The following SLX4IP variants were observed in gnomAD, a reference collection of about 807,000 sequenced individuals.
The protein encoded by SLX4IP is SLX4 interacting protein, also known as protein SLX4IP.
Under a neutral mutation model 32.9 loss-of-function variants are expected in SLX4IP, and 34 were observed. The observed-to-expected ratio is 1.03, with a 90% CI of 0.79 to 1.38. The LOEUF (loss-of-function observed/expected upper bound fraction) is 1.38, where lower values mean the gene tolerates loss of function less well. SLX4IP is among the 40% of genes most tolerant of loss of function. The probability of loss-of-function intolerance (pLI) is 0.00; values close to 1 mark genes in which losing one functional copy is unlikely to be tolerated. For missense variants in SLX4IP, 444 were observed against 479.0 expected (o/e 0.93, Z 0.68); for synonymous variants, 172 against 171.7 (o/e 1.00, Z -0.01).
chr20:10,480,047 G>C (rs2065508574), intron 2 of SLX4IP, among the ~76,000 whole-genome samples: 2 of 151,524 alleles, frequency 1.3e-5, no homozygotes, highest in African/African-American at 2.4e-5. Context: ...AACAAAACTT[G>C]TTTTATAAAA....
At chr20:10,578,050 A>G (rs1264462167) in intron 4 of SLX4IP, among the ~76,000 whole-genome samples, 1 of 152,206 alleles carries the variant, frequency 6.6e-6, no homozygotes, top group African/African-American at 2.4e-5. Context: ...TAGCTGAAGA[A>G]TACTTCTCAT....
At chr20:10,588,743 A>G (rs2066673783) in intron 4 of SLX4IP, among the ~76,000 whole-genome samples, 1 of 152,186 alleles carries the variant, frequency 6.6e-6, no homozygotes, top group Non-Finnish European at 1.5e-5. Context: ...TGATTGCCAG[A>G]GGCAGGGGTA....
intron 2 of SLX4IP, among the ~76,000 whole-genome samples, chr20:10,529,590 CAAAAAAAAAA>C (rs71334410): frequency 7.5e-5 from 4 of 53,640 alleles, no homozygotes; most frequent in South Asian, 1.1e-3. Context: ...GACTCCATCT[CAAAAAAAAAA>C]AAAAAAAAAA....
At position 10,498,218 on chromosome 20, in the gene SLX4IP, G is replaced by A. The variant is rs187827998; in HGVS notation, c.27+39987G>A. 3.4e-3 allele frequency among the ~76,000 whole-genome samples: 514 copies of A among 151,092 alleles called. 2 individuals are homozygous for A. Among genetic ancestry groups the A allele is most frequent in the African/African-American group, 0.012 (494 of 41,098 alleles). On this transcript the variant is annotated intron_variant, in intron 2 of 7. Coordinates refer to ENST00000334534, the MANE Select transcript of SLX4IP (RefSeq NM_001009608.3). ...TAGATATTGTTAATCTATTAGCTGAGCCAGTGGGCAGCTCTGTTCAGTTCC... is the reference window on the plus strand; with the variant it reads ...TAGATATTGTTAATCTATTAGCTGAACCAGTGGGCAGCTCTGTTCAGTTCC...
At chr20:10,440,756 A>G (rs2065154386) in intron 1 of SLX4IP, among the ~76,000 whole-genome samples, 1 of 152,212 alleles carries the variant, frequency 6.6e-6, no homozygotes, top group Non-Finnish European at 1.5e-5. Context: ...AATGATTATC[A>G]GAACTTTTTT....
chr20:10,476,013 C>A (rs1761233020), intron 2 of SLX4IP, among the ~76,000 whole-genome samples: 1 of 152,164 alleles, frequency 6.6e-6, no homozygotes, highest in Non-Finnish European at 1.5e-5. Flanking sequence ...AATAATCTGA[C>A]CCTTGAGAAG....
chr20:10,567,390 G>A (rs1462694767), intron 4 of SLX4IP, among the ~76,000 whole-genome samples: 2 of 152,124 alleles, frequency 1.3e-5, no homozygotes, highest in African/African-American at 4.8e-5. Context: ...GGGCTTGATG[G>A]AGGCCTTTTT....
intron 2 of SLX4IP, among the ~76,000 whole-genome samples, chr20:10,502,628 T>A (rs2065728759): frequency 6.6e-6 from 1 of 151,634 alleles, no homozygotes; most frequent in Non-Finnish European, 1.5e-5. Context: ...TCCCTCTCTT[T>A]GGGCATCATT....
chr20:10,470,605 A>T (rs2065416815), intron 2 of SLX4IP, among the ~76,000 whole-genome samples: 1 of 152,224 alleles, frequency 6.6e-6, no homozygotes, highest in African/African-American at 2.4e-5. Context: ...ACATGCACAC[A>T]CTTGTGCTAT....
chr20:10,604,323 G>A (rs569920397), intron 6 of SLX4IP, among the ~76,000 whole-genome samples: 51 of 152,326 alleles, frequency 3.3e-4, no homozygotes, highest in Admixed American at 5.9e-4. Flanking sequence ...ACAGAGGAGT[G>A]AACTAGTACT....
chr20:10,457,033 T>C (rs958810614), intron 1 of SLX4IP, among the ~76,000 whole-genome samples: 1 of 152,216 alleles, frequency 6.6e-6, no homozygotes, highest in Non-Finnish European at 1.5e-5. Context: ...ATTGTTGATA[T>C]GTAGCAATAC....
intron 4 of SLX4IP, among the ~76,000 whole-genome samples, chr20:10,591,303 G>A (rs1475786702): frequency 1.3e-5 from 2 of 152,202 alleles, no homozygotes; most frequent in African/African-American, 4.8e-5. Flanking sequence ...AATGAACTAG[G>A]AGACTTCCAA....
At chr20:10,510,380 G>A (rs2065796459) in intron 2 of SLX4IP, among the ~76,000 whole-genome samples, 1 of 152,044 alleles carries the variant, frequency 6.6e-6, no homozygotes, top group Non-Finnish European at 1.5e-5. Flanking sequence ...ACTCCTTGTG[G>A]CCACACACAC....
At chr20:10,549,955 G>T (rs1297897593) in intron 2 of SLX4IP, among the ~76,000 whole-genome samples, 2 of 152,142 alleles carry the variant, frequency 1.3e-5, no homozygotes, top group African/African-American at 2.4e-5. Context: ...ATGTTTTCTA[G>T]AACTTTTTTG....
chr20:10,530,629 A>G (rs1422399291), intron 2 of SLX4IP, among the ~76,000 whole-genome samples: 1 of 152,254 alleles, frequency 6.6e-6, no homozygotes, highest in African/African-American at 2.4e-5. Context: ...TGAGCCTGCC[A>G]CTGAGAAGCA....
At chr20:10,462,054 A>G (rs1051436088) in intron 2 of SLX4IP, among the ~76,000 whole-genome samples, 3 of 152,200 alleles carry the variant, frequency 2.0e-5, no homozygotes, top group African/African-American at 7.2e-5. Flanking sequence ...GGAAATTCCC[A>G]AGAACAAGAA....
intron 2 of SLX4IP, among the ~76,000 whole-genome samples, chr20:10,488,147 T>C (rs1239556094): frequency 6.6e-6 from 1 of 152,146 alleles, no homozygotes; most frequent in Non-Finnish European, 1.5e-5. Context: ...CAAAAATGTA[T>C]GTTGACATTC....
At chr20:10,610,414 C>G (rs1262727986) in intron 6 of SLX4IP, among the ~76,000 whole-genome samples, 1 of 152,176 alleles carries the variant, frequency 6.6e-6, no homozygotes, top group Admixed American at 6.5e-5. Flanking sequence ...CCTTAGAGAC[C>G]CGCCCTTTTC....
chr20:10,576,541 GA>G (rs1727837895), intron 4 of SLX4IP, among the ~76,000 whole-genome samples: 1 of 152,188 alleles, frequency 6.6e-6, no homozygotes, highest in Non-Finnish European at 1.5e-5. Context: ...TCTGTTTTGT[GA>G]AATGTCTTGA....
Sources: gnomAD v4.1 joint callset for allele counts (sites outside exome capture counted in the v4.1 genomes callset) on GRCh38, gnomAD v4.1.1 for gene constraint, MANE v1.5 for transcripts, NCBI Gene and HGNC (gene_info 2026-07-23, HGNC 2026-07-21) for gene names.